The following NT5C3A variants were observed in gnomAD, a reference collection of about 807,000 sequenced individuals.
NT5C3A encodes cytosolic 5'-nucleotidase 3A.
A neutral mutation model predicts 40.0 loss-of-function variants in NT5C3A; 23 were observed. The observed-to-expected ratio is 0.58, with a 90% confidence interval of 0.41 to 0.81. The LOEUF (loss-of-function observed/expected upper bound fraction) is 0.81, where lower values mean the gene tolerates loss of function less well. Among genes scored for constraint, NT5C3A ranks in the 40% least tolerant of loss-of-function variants. The pLI, the probability that NT5C3A is intolerant of heterozygous loss-of-function variation, is 0.00. For missense variants in NT5C3A, 328 were observed against 403.0 expected (o/e 0.81, Z 1.59); for synonymous variants, 130 against 141.4 (o/e 0.92, Z 0.57).
At position 33,062,732 on chromosome 7, in the gene NT5C3A, C is replaced by G; in HGVS notation, c.-27G>C. 3.9e-6 allele frequency: 6 copies of G among 1,551,966 alleles called. No homozygotes were observed. The highest frequency in any genetic ancestry group is 4.4e-6 in the Non-Finnish European group (5 of 1,147,992). ...GACGGGGCCCTCATGCGCGTCCAAG[C>G]AGGAAAAAAACAGGCAGCTCGCGTA... On this transcript the variant is annotated 5_prime_UTR_variant, in exon 1 of 9. Transcript: ENST00000610140.
At chr7:33,054,908 A>G (rs1482185530) in intron 1 of NT5C3A, among the ~76,000 whole-genome samples, 1 of 152,242 alleles carries the variant, frequency 6.6e-6, no homozygotes, top group Non-Finnish European at 1.5e-5. Context: ...GTTGTGACAC[A>G]TAATTGGGAG....
At chr7:33,024,829 T>C (rs1025258145) in intron 2 of NT5C3A, among the ~76,000 whole-genome samples, 38 of 152,302 alleles carry the variant, frequency 2.5e-4, no homozygotes, top group African/African-American at 8.9e-4. Flanking sequence ...ACAGTTATTA[T>C]GTATCGACTT....
rs192768345 is a variant in NT5C3A at position 33,042,840 on chromosome 7, T to A, written c.139-15925A>T. ...CGTATACTGCAAATTTGTTTTATAA[T>A]TCTGGGAAACTTGAAACAACCTAAA... On this transcript the variant is annotated intron_variant, in intron 1 of 8. Transcript: ENST00000610140. Among the ~76,000 whole-genome samples the A allele has an allele frequency of 2.0e-5, 3 of 152,328 alleles. No homozygotes were observed. In the East Asian group the frequency reaches 5.8e-4, roughly 29 times the overall value.
intron 1 of NT5C3A, among the ~76,000 whole-genome samples, chr7:33,062,321 A>C (rs1164450049): frequency 6.6e-6 from 1 of 152,198 alleles, no homozygotes; most frequent in African/African-American, 2.4e-5. Flanking sequence ...AACCTAACAA[A>C]GACCACGGGC....
chr7:33,030,888 A>G (rs1355405835), intron 1 of NT5C3A, among the ~76,000 whole-genome samples: 2 of 150,972 alleles, frequency 1.3e-5, no homozygotes, highest in Admixed American at 6.6e-5. Context: ...TCACGAGGTC[A>G]GGAGATCGAG....
chr7:33,057,361 A>G (rs1787611500), intron 1 of NT5C3A, among the ~76,000 whole-genome samples: 2 of 151,948 alleles, frequency 1.3e-5, no homozygotes, highest in Non-Finnish European at 2.9e-5. Context: ...CATCTCTACA[A>G]AAAAATACAA....
intron 1 of NT5C3A, among the ~76,000 whole-genome samples, chr7:33,054,879 G>T (rs1463885987): frequency 1.3e-5 from 2 of 152,120 alleles, no homozygotes; most frequent in Non-Finnish European, 2.9e-5. Context: ...GTACTGTTAG[G>T]TCTATAGTTT....
At chr7:33,044,850 T>C (rs1787083113) in intron 1 of NT5C3A, among the ~76,000 whole-genome samples, 1 of 152,178 alleles carries the variant, frequency 6.6e-6, no homozygotes, top group African/African-American at 2.4e-5. Flanking sequence ...AAACCAAATA[T>C]ATGAATTTAA....
At chr7:33,038,521 T>A (rs987923277) in intron 1 of NT5C3A, among the ~76,000 whole-genome samples, 1 of 150,962 alleles carries the variant, frequency 6.6e-6, no homozygotes, top group Non-Finnish European at 1.5e-5. Context: ...TTGGTAAGTA[T>A]ACCAACAATT....
intron 1 of NT5C3A, among the ~76,000 whole-genome samples, chr7:33,044,015 T>C (rs1250785088): frequency 1.3e-5 from 2 of 152,108 alleles, no homozygotes; most frequent in Middle Eastern, 3.4e-3. Flanking sequence ...GTACAAGAGT[T>C]GGGACACTTT....
At chr7:33,055,321 A>T (rs1288483532) in intron 1 of NT5C3A, among the ~76,000 whole-genome samples, 1 of 148,614 alleles carries the variant, frequency 6.7e-6, no homozygotes, top group African/African-American at 2.5e-5. Flanking sequence ...TGGTGTCGGA[A>T]AAAAAAAAAA....
At chr7:33,041,088 AT>A in intron 1 of NT5C3A, 1 of 984,732 alleles carries the variant, frequency 1.0e-6, no homozygotes, top group Non-Finnish European at 1.2e-6. Context: ...ACATAACATT[AT>A]CAATTGAAGT....
At chr7:33,017,763 C>T (rs576213884) in intron 6 of NT5C3A, among the ~76,000 whole-genome samples, 162 bp from the exon 7 acceptor site, 63 of 152,328 alleles carry the variant, frequency 4.1e-4, no homozygotes, top group African/African-American at 1.5e-3. Flanking sequence ...TACAATACTA[C>T]AAGTTTTTCA....
intron 1 of NT5C3A, among the ~76,000 whole-genome samples, chr7:33,047,009 G>T (rs1787186066): frequency 6.6e-6 from 1 of 150,788 alleles, no homozygotes; most frequent in African/African-American, 2.4e-5. Flanking sequence ...TTGCTATGGG[G>T]TGTAGTAGGT....
intron 1 of NT5C3A, among the ~76,000 whole-genome samples, chr7:33,043,347 G>A (rs1254759453): frequency 6.6e-6 from 1 of 152,170 alleles, no homozygotes. Context: ...ATGACATTAA[G>A]GGGCCATTTT....
At chr7:33,055,076 G>T (rs1187860231) in intron 1 of NT5C3A, among the ~76,000 whole-genome samples, 1 of 152,178 alleles carries the variant, frequency 6.6e-6, no homozygotes, top group African/African-American at 2.4e-5. Context: ...TGTAATCCCA[G>T]CATTTTGGGA....
At chr7:33,021,616 G>A (rs1335185396) in intron 4 of NT5C3A, among the ~76,000 whole-genome samples, 1 of 152,082 alleles carries the variant, frequency 6.6e-6, no homozygotes, top group Non-Finnish European at 1.5e-5. Context: ...AAACACTTTA[G>A]TTTTCATATA....
intron 1 of NT5C3A, chr7:33,040,971 C>T: frequency 1.0e-6 from 1 of 985,446 alleles, no homozygotes; most frequent in Non-Finnish European, 1.2e-6. Flanking sequence ...GTTCCAAAAG[C>T]CTTGACTAAG....
intron 4 of NT5C3A, 62 bp from the exon 5 acceptor site, chr7:33,021,419 T>C (rs1785626364): frequency 6.4e-7 from 1 of 1,572,750 alleles, no homozygotes; most frequent in Non-Finnish European, 8.7e-7. Context: ...CTTGGTTTTA[T>C]AGAAAGCAAA....
Sources: allele counts gnomAD v4.1 joint callset (sites outside exome capture counted in the v4.1 genomes callset), GRCh38; gene constraint gnomAD v4.1.1; transcripts MANE v1.5; gene names NCBI Gene and HGNC (gene_info 2026-07-23, HGNC 2026-07-21).